Variants in IL1RAPL2 observed in about 807,000 individuals in gnomAD.
IL1RAPL2 encodes the protein X-linked interleukin-1 receptor accessory protein-like 2.
In IL1RAPL2, 3 loss-of-function variants were observed where a neutral mutation model predicts 44.1. That is an observed-to-expected ratio of 0.07 (90% CI 0.03 to 0.18). The LOEUF is 0.18. Among genes scored for constraint, IL1RAPL2 ranks in the 10% least tolerant of loss-of-function variants. The pLI is 1.00. For missense variants in IL1RAPL2, 391 were observed against 496.4 expected (o/e 0.79, Z 2.02); for synonymous variants, 181 against 178.8 (o/e 1.01, Z -0.10).
At chrX:105,333,943 C>T (rs1003121955) in intron 5 of IL1RAPL2, among the ~76,000 whole-genome samples, 5 of 111,676 alleles carry the variant, frequency 4.5e-5, no homozygotes, top group Non-Finnish European at 7.5e-5. Flanking sequence ...TTAGTACAAC[C>T]ACTATGGAGT....
intron 2 of IL1RAPL2, among the ~76,000 whole-genome samples, chrX:104,827,876 G>A (rs1205212765): frequency 1.8e-5 from 2 of 111,061 alleles, no homozygotes; most frequent in African/African-American, 6.6e-5. Context: ...TCATTAAGTT[G>A]ATCTTCAATC....
intron 5 of IL1RAPL2, among the ~76,000 whole-genome samples, chrX:105,403,555 G>A (rs967542232): frequency 1.8e-5 from 2 of 111,467 alleles, no homozygotes; most frequent in African/African-American, 6.5e-5. Flanking sequence ...GAAACAGACA[G>A]AATCTGTATA....
Position 104,929,602 on chromosome X carries a change from C to T in IL1RAPL2, c.83-265873C>T, listed in dbSNP as rs141604183. Among the ~76,000 whole-genome samples, 877 of 111,954 alleles carry T rather than the reference C, an allele frequency of 7.8e-3. 32 individuals carry two copies. Among genetic ancestry groups the T allele is most frequent in the Admixed American group, 0.077 (808 of 10,533 alleles). ...CATTTTTTATTTGTCTGACTCAAAT[C>T]CAGGTAGTTTTGCTCAATCGATGGC... On this transcript the variant is annotated intron_variant, in intron 2 of 10. Transcript: ENST00000372582.
chrX:104,898,710 C>G (rs1837342507), intron 2 of IL1RAPL2, among the ~76,000 whole-genome samples: 1 of 112,209 alleles, frequency 8.9e-6, no homozygotes, highest in African/African-American at 3.2e-5. Context: ...TAATAGCCAT[C>G]CACAAAACTT....
intron 5 of IL1RAPL2, among the ~76,000 whole-genome samples, chrX:105,298,940 A>G (rs989807356): frequency 2.7e-5 from 3 of 111,366 alleles, no homozygotes; most frequent in African/African-American, 9.8e-5. Context: ...GCACCTTGAC[A>G]CAAGTTAATT....
intron 2 of IL1RAPL2, among the ~76,000 whole-genome samples, chrX:105,034,986 C>G (rs185036952): frequency 0.04 from 4,248 of 106,635 alleles, 230 homozygotes; most frequent in African/African-American, 0.14. Context: ...AGTTTGATCT[C>G]AGACTGCTGT....
In IL1RAPL2 at chrX:104,828,264, T is replaced by G. The variant is rs146816545; in HGVS notation, c.82+169269T>G. On this transcript the variant is annotated intron_variant, in intron 2 of 10. Transcript: ENST00000372582. ...CTGGCTTTTCCTCTTCTTCGTGGAT[T>G]TATCTACCTTTCATCTTTGCTGTTG... Among the ~76,000 whole-genome samples, 201 of 112,388 alleles carry G rather than the reference T, an allele frequency of 1.8e-3. 3 individuals carry two copies. The East Asian group carries it at 0.037, about 21-fold the overall frequency.
At chrX:105,057,036 A>G (rs867833709) in intron 2 of IL1RAPL2, among the ~76,000 whole-genome samples, 46 of 111,846 alleles carry the variant, frequency 4.1e-4, no homozygotes, top group African/African-American at 1.5e-3. Context: ...ATTATTGCCC[A>G]GTAACAATGC....
chrX:105,091,652 C>A (rs114212022), intron 2 of IL1RAPL2, among the ~76,000 whole-genome samples: 5,160 of 111,564 alleles, frequency 0.046, 272 homozygotes, highest in African/African-American at 0.16. Context: ...TTATGTTAAC[C>A]ATATAGTCTT....
intron 6 of IL1RAPL2, among the ~76,000 whole-genome samples, chrX:105,577,949 T>C (rs1011540811): frequency 3.6e-5 from 4 of 110,211 alleles, no homozygotes; most frequent in African/African-American, 1.3e-4. Context: ...GTTACATATG[T>C]ATACATGTGC....
intron 2 of IL1RAPL2, among the ~76,000 whole-genome samples, chrX:104,732,024 C>G: frequency 9.0e-6 from 1 of 111,713 alleles, no homozygotes; most frequent in East Asian, 2.8e-4. Flanking sequence ...GCAAAAAGTC[C>G]TTGTTAATTT....
At chrX:104,756,445 T>C (rs1272606801) in intron 2 of IL1RAPL2, among the ~76,000 whole-genome samples, 2 of 111,421 alleles carry the variant, frequency 1.8e-5, no homozygotes, top group Non-Finnish European at 1.9e-5. Context: ...GTCATTTTAA[T>C]AGCCATAGGG....
intron 5 of IL1RAPL2, among the ~76,000 whole-genome samples, chrX:105,404,930 C>A (rs974747830): frequency 8.9e-6 from 1 of 111,789 alleles, no homozygotes; most frequent in African/African-American, 3.2e-5. Context: ...AATAAATATT[C>A]TATGACCAAG....
In IL1RAPL2 at chrX:104,890,068, C is replaced by T. The variant is rs771080830; in HGVS notation, c.82+231073C>T. Among the ~76,000 whole-genome samples the T allele has an allele frequency of 5.1e-3, 563 of 111,087 alleles. 1 individual carries two copies. The highest frequency in any genetic ancestry group is 7.8e-3 in the Non-Finnish European group (413 of 52,978). On this transcript the variant is annotated intron_variant, in intron 2 of 10. Transcript: ENST00000372582. ...TGCAGTGTTTGGTTTTTTGTCCTTGCGATAGTTTGCTGAGAATGATGGTTT... is the reference window on the plus strand; with the variant it reads ...TGCAGTGTTTGGTTTTTTGTCCTTGTGATAGTTTGCTGAGAATGATGGTTT...
intron 5 of IL1RAPL2, among the ~76,000 whole-genome samples, chrX:105,381,890 T>C (rs1174904773): frequency 4.5e-5 from 5 of 111,440 alleles, no homozygotes; most frequent in East Asian, 2.8e-4. Context: ...ATTTAATAAA[T>C]GGTGCTGGGA....
intron 5 of IL1RAPL2, among the ~76,000 whole-genome samples, chrX:105,371,195 A>G (rs1465767121): frequency 8.9e-6 from 1 of 111,752 alleles, no homozygotes; most frequent in Non-Finnish European, 1.9e-5. Context: ...TCTTTATTGT[A>G]TTGACAATTT....
At chrX:104,836,753 G>A (rs896179187) in intron 2 of IL1RAPL2, among the ~76,000 whole-genome samples, 2 of 109,744 alleles carry the variant, frequency 1.8e-5, no homozygotes, top group South Asian at 7.9e-4. Flanking sequence ...TTAAGTTCTG[G>A]GATACACGTG....
chrX:105,025,097 T>G (rs991189638), intron 2 of IL1RAPL2, among the ~76,000 whole-genome samples: 1 of 110,892 alleles, frequency 9.0e-6, no homozygotes, highest in Non-Finnish European at 1.9e-5. Flanking sequence ...ATACCTTTTT[T>G]TGTTCCTGCT....
chrX:105,118,403 T>C (rs1462885853), intron 2 of IL1RAPL2, among the ~76,000 whole-genome samples: 1 of 112,315 alleles, frequency 8.9e-6, no homozygotes, highest in Non-Finnish European at 1.9e-5. Context: ...TATTCTTGGC[T>C]CAGAGGCAGC....
Sources: allele counts gnomAD v4.1 joint callset (sites outside exome capture counted in the v4.1 genomes callset), GRCh38; gene constraint gnomAD v4.1.1; transcripts MANE v1.5; gene names NCBI Gene and HGNC (gene_info 2026-07-23, HGNC 2026-07-21).